The following LYPD6 variants were observed in gnomAD, a reference collection of about 807,000 sequenced individuals.
The protein encoded by LYPD6 is LY6/PLAUR domain containing 6.
In LYPD6, 15 loss-of-function variants were observed where a neutral mutation model predicts 22.7. That is an observed-to-expected ratio of 0.66 (90% CI 0.44 to 1.02). The LOEUF (loss-of-function observed/expected upper bound fraction) is 1.02, where lower values mean the gene tolerates loss of function less well. LYPD6 is among the 50% of genes least tolerant of loss of function. The pLI is 0.00. For synonymous variants in LYPD6, 72 were observed against 77.5 expected (o/e 0.93, Z 0.37); for missense variants, 189 against 208.4 (o/e 0.91, Z 0.57).
intron 1 of LYPD6, chr2:149,367,908 T>C (rs1347850662): frequency 6.6e-6 from 1 of 152,248 alleles, no homozygotes; most frequent in African/African-American, 2.4e-5. Context: ...TTCAGTTTTC[T>C]TTTTATCTCA....
chr2:149,346,390 C>T lies in LYPD6; in HGVS notation c.-72+15668C>T, dbSNP rs1225772075. Among the ~76,000 whole-genome samples the T allele has an allele frequency of 2.6e-5, 4 of 152,150 alleles. No individual in the cohort carries two copies. The East Asian group carries it at 7.7e-4, about 29-fold the overall frequency. ...AATGAACTTGGGAGAGACCTGAGTC[C>T]TCTCACGTAGGACTGAGTTGCTCTT... On this transcript the variant is annotated intron_variant, in intron 1 of 4. Coordinates refer to ENST00000334166, the MANE Select transcript of LYPD6 (RefSeq NM_194317.5).
chr2:149,332,448 A>G lies in LYPD6; in HGVS notation c.-72+1726A>G, dbSNP rs372256296. Among the ~76,000 whole-genome samples the G allele has an allele frequency of 3.9e-5, 6 of 152,118 alleles. No individual in the cohort carries two copies. In the East Asian group the frequency reaches 9.6e-4, roughly 24 times the overall value. ...GGCTGATTCTAGGCAAATAATATCA[A>G]GTAAAAAACCATACCATGTGTTGTA... On this transcript the variant is annotated intron_variant, in intron 1 of 4. Coordinates refer to ENST00000334166, the MANE Select transcript of LYPD6 (RefSeq NM_194317.5).
At chr2:149,405,152 A>C (rs1052247769) in intron 1 of LYPD6, among the ~76,000 whole-genome samples, 9 of 151,950 alleles carry the variant, frequency 5.9e-5, no homozygotes, top group African/African-American at 2.2e-4. Context: ...TTTATTGAGG[A>C]TTTTTGCATC....
chr2:149,335,945 C>T (rs191103161), intron 1 of LYPD6, among the ~76,000 whole-genome samples: 166 of 151,672 alleles, frequency 1.1e-3, no homozygotes, highest in African/African-American at 3.7e-3. Flanking sequence ...GTGATGTTCA[C>T]ACAGTGACAA....
intron 1 of LYPD6, among the ~76,000 whole-genome samples, chr2:149,400,816 G>C (rs1447198883): frequency 6.6e-6 from 1 of 152,126 alleles, no homozygotes; most frequent in Non-Finnish European, 1.5e-5. Context: ...GTATGAGATG[G>C]GTTTTTGTTT....
intron 1 of LYPD6, among the ~76,000 whole-genome samples, chr2:149,338,821 G>A (rs1054124112): frequency 1.3e-5 from 2 of 152,144 alleles, no homozygotes; most frequent in Non-Finnish European, 2.9e-5. Context: ...GCTTAATAAG[G>A]CACTGTAGTC....
chr2:149,405,657 A>T (rs1011728864), intron 1 of LYPD6, among the ~76,000 whole-genome samples: 1 of 152,046 alleles, frequency 6.6e-6, no homozygotes, highest in African/African-American at 2.4e-5. Flanking sequence ...GTGGTCTATC[A>T]ATTTTGTTGA....
downstream of LYPD6, among the ~76,000 whole-genome samples, chr2:149,477,056 C>T (rs1681459194): frequency 1.3e-5 from 2 of 152,176 alleles, no homozygotes. Context: ...TCTGGACTCA[C>T]TCATGACTCA....
At chr2:149,402,266 T>C (rs1449476228) in intron 1 of LYPD6, among the ~76,000 whole-genome samples, 3 of 148,948 alleles carry the variant, frequency 2.0e-5, no homozygotes, top group Non-Finnish European at 4.4e-5. Context: ...GTGTATTACA[T>C]TTCCTTTATC....
intron 3 of LYPD6, among the ~76,000 whole-genome samples, chr2:149,460,058 G>T (rs572640165): frequency 6.6e-6 from 1 of 152,146 alleles, no homozygotes; most frequent in South Asian, 2.1e-4. Context: ...ATTTTAAAAA[G>T]AGATATACTC....
At chr2:149,410,737 T>G (rs1335603748) in intron 1 of LYPD6, among the ~76,000 whole-genome samples, 1 of 152,232 alleles carries the variant, frequency 6.6e-6, no homozygotes, top group Non-Finnish European at 1.5e-5. Context: ...CTATTGTTCA[T>G]GCGAGTCAGT....
At chr2:149,350,878 C>T (rs1256558683) in intron 1 of LYPD6, among the ~76,000 whole-genome samples, 8 of 152,200 alleles carry the variant, frequency 5.3e-5, no homozygotes, top group Non-Finnish European at 2.9e-5. Flanking sequence ...CTTGCCGGGG[C>T]CTTTCTGCCA....
chr2:149,381,194 G>C (rs767840383), intron 1 of LYPD6, among the ~76,000 whole-genome samples: 1 of 152,144 alleles, frequency 6.6e-6, no homozygotes, highest in East Asian at 1.9e-4. Flanking sequence ...GAGAAGAATA[G>C]TCTGGTACCT....
chr2:149,377,873 A>G (rs763863729), intron 1 of LYPD6, among the ~76,000 whole-genome samples: 4 of 136,810 alleles, frequency 2.9e-5, no homozygotes, highest in Non-Finnish European at 6.0e-5. Context: ...TGGCTTTATC[A>G]TTACTCTTGC....
At position 149,470,688 on chromosome 2, in the gene LYPD6, C is replaced by A. The variant is rs1204254554; in HGVS notation, c.354C>A (p.Cys118Ter). 1 of 1,613,148 alleles carries A rather than the reference C, an allele frequency of 6.2e-7. No homozygotes were observed. The highest frequency in any genetic ancestry group is 1.3e-5 in the African/African-American group (1 of 75,010). ...RDSEHEGHKV[C>*]TSCCEGNICN... ...TTTTTCTTCCTTTCTTTCAGGTCTG[C>A]ACTTCTTGTTGTGAAGGAAATATCT... is the stretch of plus-strand genomic sequence containing the variant. Residue 118 changes from cysteine (C) to a stop codon, truncating the protein, a stop_gained, in exon 5 of 5, where the codon TGC becomes TGA. Transcript: ENST00000334166. LOFTEE classifies it high-confidence loss of function.
intron 1 of LYPD6, among the ~76,000 whole-genome samples, chr2:149,433,432 T>C (rs1016630598): frequency 6.6e-6 from 1 of 152,230 alleles, no homozygotes; most frequent in African/African-American, 2.4e-5. Flanking sequence ...GCATCTTTTA[T>C]ACAAGTAAAA....
chr2:149,432,245 T>G (rs759847627), intron 1 of LYPD6, among the ~76,000 whole-genome samples: 2 of 152,196 alleles, frequency 1.3e-5, no homozygotes, highest in African/African-American at 2.4e-5. Context: ...GTTCCACTCC[T>G]GCATATATAC....
the LYPD6 span, among the ~76,000 whole-genome samples, chr2:149,486,283 A>G: frequency 6.6e-6 from 1 of 152,174 alleles, no homozygotes; most frequent in Admixed American, 6.5e-5. Context: ...GAAGTCAAGA[A>G]ATCAGGAACT....
intron 1 of LYPD6, among the ~76,000 whole-genome samples, chr2:149,374,731 C>T (rs563998200): frequency 6.6e-6 from 1 of 152,176 alleles, no homozygotes; most frequent in Non-Finnish European, 1.5e-5. Flanking sequence ...TAACATCCTG[C>T]TTCACAGGAA....
Sources: gnomAD v4.1 joint callset for allele counts (sites outside exome capture counted in the v4.1 genomes callset) on GRCh38, gnomAD v4.1.1 for gene constraint, MANE v1.5 for transcripts, NCBI Gene and HGNC (gene_info 2026-07-23, HGNC 2026-07-21) for gene names.